The following ZIC5 variants were observed in gnomAD, a reference collection of about 807,000 sequenced individuals.
ZIC5 encodes Zic family zinc finger 5, also known as zinc finger protein ZIC 5.
ZIC5 carries 20 observed loss-of-function variants against 28.5 expected under a neutral mutation model. That is an observed-to-expected ratio of 0.70 (90% CI 0.49 to 1.02). ZIC5 has a LOEUF of 1.02. Ranked by LOEUF, ZIC5 falls within the 50% of genes least tolerant of loss-of-function variation. ZIC5 has a pLI of 0.00. For missense variants in ZIC5, 951 were observed against 899.7 expected (o/e 1.06, Z -0.73); for synonymous variants, 488 against 410.4 (o/e 1.19, Z -2.29).
At chr13:99,966,136 C>T (rs1411227840) in intron 1 of ZIC5, among the ~76,000 whole-genome samples, 2 of 152,030 alleles carry the variant, frequency 1.3e-5, no homozygotes, top group African/African-American at 2.4e-5. Context: ...ACCCGCAGAC[C>T]CCCTCCCCCG....
Position 99,970,218 on chromosome 13 carries a change from G to A in ZIC5, c.1386C>T (p.Thr462=), listed in dbSNP as rs747229104. ...YKLINHIRVH[T]GEKPFPCPFP... is the part of the protein sequence containing the mutation. Reference sequence around the variant, plus strand: ...AAGGGCAGGGAAAGGGCTTCTCGCCGGTGTGCACGCGGATGTGGTTGATGA... The same window carrying A: ...AAGGGCAGGGAAAGGGCTTCTCGCCAGTGTGCACGCGGATGTGGTTGATGA... Residue 462 remains threonine, a synonymous_variant, in exon 1 of 2, where the codon ACC becomes ACT. Transcript: ENST00000267294. The A allele has an allele frequency of 2.5e-6, 4 of 1,613,648 alleles. No individual in the cohort carries two copies. The Admixed American group carries it at 6.7e-5, about 27-fold the overall frequency.
At chr13:99,970,095 C>T (rs2053136328) in intron 1 of ZIC5, 32 bp downstream of exon 1, 1 of 1,606,172 alleles carries the variant, frequency 6.2e-7, no homozygotes, top group Middle Eastern at 1.7e-4. Flanking sequence ...CTGGTGGCGG[C>T]GGCGGCGGCG....
rs1188717188 is a variant in ZIC5, at chr13:99,970,903, G to T, written c.701C>A (p.Ala234Glu). Residue 234 changes from alanine (A) to glutamate (E), a missense_variant, in exon 1 of 2, where the codon GCG becomes GAG. This residue lies in a region of ZIC5 where 784 missense variants were observed against 660.1 expected (regional missense o/e 1.19). Coordinates refer to ENST00000267294, the MANE Select transcript of ZIC5 (RefSeq NM_033132.5). ...CGTGTCGTGCAGCGCGGGGAAGAGC[G>T]CCGGGCCGCCGCTGCCGTCCGGGCC... ...YAGPDGSGGPALFPALHDTPG... is the reference protein window; with the variant it reads ...YAGPDGSGGPELFPALHDTPG... 19 of 1,350,794 alleles carry T rather than the reference G, an allele frequency of 1.4e-5. No individual in the cohort carries two copies. The highest frequency in any genetic ancestry group is 1.8e-5 in the Non-Finnish European group (19 of 1,062,220). 83.7% of individuals were successfully genotyped at this position (1,350,794 alleles called of 1,614,324 possible).
In ZIC5 at chr13:99,971,183, GA is replaced by G; in HGVS notation, c.420del (p.Pro142LeufsTer165). ...GGAGGAGGAGGAGGCGGGGGAGGGG[GA>G]GGGGGTGAAGGGGTGGGAGGAAGAG... Reference protein sequence around the residue: ...APPLPPTPSPPPPPPPPPPPA... With the variant: ...APPLPPTPSPXPPPPPPPPPA... On this transcript the variant is annotated frameshift_variant, in exon 1 of 2. Transcript: ENST00000267294. LOFTEE classifies it high-confidence loss of function. The G allele has an allele frequency of 2.3e-6, 3 of 1,332,988 alleles. No individual in the cohort carries two copies. The highest frequency in any genetic ancestry group is 2.9e-6 in the Non-Finnish European group (3 of 1,043,998). The allele number at this position is 1,332,988 out of a possible 1,614,324, so 82.6% of individuals were successfully genotyped here. A position where few individuals can be genotyped will look rare whatever the true frequency, so the allele number is the denominator to read the frequency against.
chr13:99,970,251 T>C lies in ZIC5; in HGVS notation c.1353A>G (p.Lys451=). Reference sequence around the variant, plus strand: ...CGCGGATGTGGTTGATGAGCTTGTATTTGGCCTTGAAGGGCTTGCCCTCGC... The same window carrying C: ...CGCGGATGTGGTTGATGAGCTTGTACTTGGCCTTGAAGGGCTTGCCCTCGC... ...CPREGKPFKA[K]YKLINHIRVH... The change falls in exon 1 of 2, where the codon AAA becomes AAG. Residue 451 remains lysine (K), a synonymous_variant. Transcript: ENST00000267294. The C allele has an allele frequency of 1.2e-6, 2 of 1,613,708 alleles. No homozygotes were observed. Among genetic ancestry groups the C allele is most frequent in the South Asian group, 1.1e-5 (1 of 91,062 alleles).
chr13:99,971,018 C>T lies in ZIC5; in HGVS notation c.586G>A (p.Glu196Lys). ...AAMHGAPLGG[E>K]QRSGTGSPQH... ...GGGGAGCCGGTGCCGGACCGCTGCT[C>T]CCCTCCGAGCGGGGCCCCGTGCATG... The change falls in exon 1 of 2, where the codon GAG becomes AAG. Residue 196 changes from glutamate (E) to lysine (K), a missense_variant. Glu to Lys is a moderately conservative substitution (Grantham distance 56). Around this residue, in one of 3 missense-constraint regions of ZIC5, gnomAD observed 784 missense variants for 660.1 expected, o/e 1.19. Coordinates refer to ENST00000267294, the MANE Select transcript of ZIC5 (RefSeq NM_033132.5). 3 of 1,415,104 alleles carry T rather than the reference C, an allele frequency of 2.1e-6. No homozygotes were observed. Among genetic ancestry groups the T allele is most frequent in the Non-Finnish European group, 2.7e-6 (3 of 1,097,486 alleles). The allele number at this position is 1,415,104 out of a possible 1,614,324, so 87.7% of individuals were successfully genotyped here. A position where few individuals can be genotyped will look rare whatever the true frequency, so the allele number is the denominator to read the frequency against.
In ZIC5 at chr13:99,970,631, G is replaced by A. The variant is rs2053146316; in HGVS notation, c.973C>T (p.Pro325Ser). ...GGCGGCGCGTGGTGCTGCAGGTGGG[G>A]CCCGGGCCCGGCCGCTGCTGCGGCC... Reference protein sequence around the residue: ...AAAAAAAGPGPHLQHHAPPPA... With the variant: ...AAAAAAAGPGSHLQHHAPPPA... The change falls in exon 1 of 2, where the codon CCC (proline) becomes TCC (serine). Residue 325 changes from proline to serine, a missense_variant. Physicochemically the swap from Pro to Ser is moderately conservative, Grantham distance 74. Transcript: ENST00000267294. The A allele has an allele frequency of 3.7e-6, 4 of 1,095,116 alleles. No individual in the cohort carries two copies. The highest frequency in any genetic ancestry group is 8.1e-5 in the East Asian group (1 of 12,314). 67.8% of individuals were successfully genotyped at this position (1,095,116 alleles called of 1,614,324 possible).
At chr13:99,968,144 C>G (rs902458166) in intron 1 of ZIC5, among the ~76,000 whole-genome samples, 2 of 152,160 alleles carry the variant, frequency 1.3e-5, no homozygotes, top group Admixed American at 6.5e-5. Flanking sequence ...TCCGGGATCC[C>G]GGATAACCCC....
At chr13:99,968,866 G>A (rs1594283267) in intron 1 of ZIC5, among the ~76,000 whole-genome samples, 2 of 152,122 alleles carry the variant, frequency 1.3e-5, no homozygotes, top group East Asian at 3.9e-4. Flanking sequence ...GCCCGCAGGA[G>A]CCAAGCCAAG....
chr13:99,967,068 T>A (rs2053105827), intron 1 of ZIC5, among the ~76,000 whole-genome samples: 1 of 152,242 alleles, frequency 6.6e-6, no homozygotes, highest in Admixed American at 6.5e-5. Context: ...GGTATGACAT[T>A]TTCTTTTGTT....
Position 99,964,949 on chromosome 13 carries a change from T to C in ZIC5, c.*428A>G, listed in dbSNP as rs1485183083. ...GGCACTCTGGGAAATGCAGAGGGCC[T>C]TGGTGCTGTGTTAAGTTCTGACTTA... On this transcript the variant is annotated 3_prime_UTR_variant, in exon 2 of 2. Transcript: ENST00000267294. 6.6e-6 allele frequency: 1 copy of C among 150,860 alleles called. No homozygotes were observed. Among genetic ancestry groups the C allele is most frequent in the African/African-American group, 2.4e-5 (1 of 40,956 alleles). The allele number at this position is 150,860 out of a possible 1,614,324, so 9.3% of individuals were successfully genotyped here.
chr13:99,970,713 C>A lies in ZIC5; in HGVS notation c.891G>T (p.Ala297=). ...AHYGAVAAAA[A]AALHGYGAVN... ...CGGCTCCGTAGCCGTGCAGGGCGGC[C>A]GCCGCTGCGGCCGCAACCGCCCCGT... The change falls in exon 1 of 2, where the codon GCG becomes GCT. Residue 297 remains alanine, a synonymous_variant. Transcript: ENST00000267294. 1 of 1,189,680 alleles carries A rather than the reference C, an allele frequency of 8.4e-7. No individual in the cohort carries two copies. Among genetic ancestry groups the A allele is most frequent in the Non-Finnish European group, 1.0e-6 (1 of 957,564 alleles). The allele number at this position is 1,189,680 out of a possible 1,614,324, so 73.7% of individuals were successfully genotyped here.
intron 1 of ZIC5, 113 bp downstream of exon 1, chr13:99,970,014 G>A: frequency 1.3e-6 from 2 of 1,511,338 alleles, no homozygotes; most frequent in Non-Finnish European, 8.9e-7. Context: ...AGAAGCAGCA[G>A]AAGGAGAAAA....
In ZIC5 at chr13:99,969,055, C is replaced by T. The variant is rs185737146; in HGVS notation, c.1477+1072G>A. ...CCTCCGAGGGGTAATCGTATCTGTC[C>T]CTATAAATCCCGACTGCGTTCGCGC... On this transcript the variant is annotated intron_variant, in intron 1 of 1. Transcript: ENST00000267294. Among the ~76,000 whole-genome samples, 181 of 152,350 alleles carry T rather than the reference C, an allele frequency of 1.2e-3. 1 individual carries two copies. The highest frequency in any genetic ancestry group is 4.2e-3 in the African/African-American group (175 of 41,590).
At position 99,971,434 on chromosome 13, in the gene ZIC5, C is replaced by G. The variant is rs1041642444; in HGVS notation, c.170G>C (p.Gly57Ala). Reference sequence around the variant, plus strand: ...AGTGGTGGCCACGCCGGGGTCAGCGCCCAGGTCCCGCAGGCGGAGGTGCGC... The same window carrying G: ...AGTGGTGGCCACGCCGGGGTCAGCGGCCAGGTCCCGCAGGCGGAGGTGCGC... Reference protein sequence around the residue: ...AVAHLRLRDLGADPGVATTPL... With the variant: ...AVAHLRLRDLAADPGVATTPL... Residue 57 changes from glycine to alanine, a missense_variant, in exon 1 of 2, where the codon GGC becomes GCC. This residue lies in a region of ZIC5 where 784 missense variants were observed against 660.1 expected (regional missense o/e 1.19). Transcript: ENST00000267294. 1 of 1,543,212 alleles carries G rather than the reference C, an allele frequency of 6.5e-7. No homozygotes were observed. The highest frequency in any genetic ancestry group is 8.7e-7 in the Non-Finnish European group (1 of 1,145,278).
In ZIC5 at chr13:99,971,272, C is replaced by CT; in HGVS notation, c.331dup (p.Ser111LysfsTer161). On this transcript the variant is annotated frameshift_variant, in exon 1 of 2. Transcript: ENST00000267294. LOFTEE classifies it high-confidence loss of function. ...ACTGCTGCCCCCGCCGCAGGGGTAGCTGCCCGCGCCGGGGTGCGCGACCAA... is the reference window on the plus strand; with the variant it reads ...ACTGCTGCCCCCGCCGCAGGGGTAGCTTGCCCGCGCCGGGGTGCGCGACCAA... 7.5e-7 allele frequency: 1 copy of CT among 1,341,164 alleles called. No homozygotes were observed. Among genetic ancestry groups the CT allele is most frequent in the Non-Finnish European group, 9.5e-7 (1 of 1,055,340 alleles). 83.1% of individuals were successfully genotyped at this position (1,341,164 alleles called of 1,614,324 possible).
Position 99,968,311 on chromosome 13 carries a change from C to T in ZIC5, c.1477+1816G>A, listed in dbSNP as rs2053116224. Among the ~76,000 whole-genome samples, 3 of 152,176 alleles carry T rather than the reference C, an allele frequency of 2.0e-5. No individual in the cohort carries two copies. The South Asian group carries it at 6.2e-4, about 32-fold the overall frequency. On this transcript the variant is annotated intron_variant, in intron 1 of 1. Transcript: ENST00000267294. ...GCCTGCGTCCCTCCCGCAGGGACCC[C>T]CACGCTCCACCGGGTGGGGCCCACG...
chr13:99,969,035 G>A (rs914911012), intron 1 of ZIC5, among the ~76,000 whole-genome samples: 14 of 152,240 alleles, frequency 9.2e-5, no homozygotes, highest in Admixed American at 5.2e-4. Context: ...AGTGTCCTCC[G>A]AGGGGTAATC....
rs868562024 is a variant in ZIC5 at position 99,970,451 on chromosome 13, G to T, written c.1153C>A (p.Leu385Met). Reference sequence around the variant, plus strand: ...GGCGGCGGCGGCGGCGGCGGCGGCAGCCCGGCCAGCTCGTCGGGGTCGATC... The same window carrying T: ...GGCGGCGGCGGCGGCGGCGGCGGCATCCCGGCCAGCTCGTCGGGGTCGATC... ...KWIDPDELAGLPPPPPPPPPP... is the reference protein window; with the variant it reads ...KWIDPDELAGMPPPPPPPPPP... The change falls in exon 1 of 2, where the codon CTG becomes ATG. Residue 385 changes from leucine (L) to methionine (M), a missense_variant. By Grantham distance (15) the Leu-to-Met change is conservative. Coordinates refer to ENST00000267294, the MANE Select transcript of ZIC5 (RefSeq NM_033132.5). 1 of 1,060,262 alleles carries T rather than the reference G, an allele frequency of 9.4e-7. No homozygotes were observed. The highest frequency in any genetic ancestry group is 1.1e-6 in the Non-Finnish European group (1 of 878,860). The allele number at this position is 1,060,262 out of a possible 1,614,324, so 65.7% of individuals were successfully genotyped here.
Sources: allele counts gnomAD v4.1 joint callset (sites outside exome capture counted in the v4.1 genomes callset), GRCh38; gene constraint gnomAD v4.1.1; regional missense constraint gnomAD v4.1.1; transcripts MANE v1.5; gene names NCBI Gene and HGNC (gene_info 2026-07-23, HGNC 2026-07-21).